The following SORBS2 variants were observed in gnomAD, a reference collection of about 807,000 sequenced individuals.
SORBS2 encodes sorbin and SH3 domain-containing protein 2.
In SORBS2, 46 loss-of-function variants were observed where a neutral mutation model predicts 97.7. The ratio of observed to expected loss-of-function variants is 0.47; its 90% CI spans 0.37 to 0.60. The LOEUF (loss-of-function observed/expected upper bound fraction) is 0.60, where lower values mean the gene tolerates loss of function less well. Among genes scored for constraint, SORBS2 ranks in the 20% least tolerant of loss-of-function variants. SORBS2 has a pLI of 0.00. For missense variants in SORBS2, 1,316 were observed against 1,282.3 expected (o/e 1.03, Z -0.40); for synonymous variants, 476 against 473.4 (o/e 1.01, Z -0.07).
intron 2 of SORBS2, among the ~76,000 whole-genome samples, chr4:185,731,866 C>CTCTCTCTATATATATA (rs1286500642): frequency 4.0e-5 from 1 of 24,692 alleles, no homozygotes; most frequent in Non-Finnish European, 6.7e-5. Flanking sequence ...CTCTCTCTCT[C>CTCTCTCTATATATATA]TATATATATA....
At chr4:185,937,552 G>A (rs28441507) in intron 1 of SORBS2, among the ~76,000 whole-genome samples, 44,239 of 152,020 alleles carry the variant, frequency 0.29, 6,579 homozygotes, top group South Asian at 0.32. Context: ...TAAATCCTTC[G>A]TCAAAAAGTA....
chr4:185,947,918 G>A (rs2099275343), intron 1 of SORBS2, among the ~76,000 whole-genome samples: 2 of 146,938 alleles, frequency 1.4e-5, no homozygotes, highest in East Asian at 1.9e-4. Context: ...GCCCTCTTGA[G>A]ATTTTTTAAA....
chr4:185,802,347 G>A (rs111985181), intron 1 of SORBS2, among the ~76,000 whole-genome samples: 24 of 151,906 alleles, frequency 1.6e-4, no homozygotes, highest in Non-Finnish European at 2.9e-4. Context: ...CTTTTCCTCC[G>A]GTCCTTGATG....
chr4:185,880,331 A>T (rs75597531), intron 1 of SORBS2, among the ~76,000 whole-genome samples: 5,911 of 152,302 alleles, frequency 0.039, 427 homozygotes, highest in African/African-American at 0.14. Context: ...GTCGGGGAGC[A>T]TGAGAGGGGT....
rs2096763545 is a variant in SORBS2, at chr4:185,623,896, G to A, written c.1233C>T (p.Pro411=). 6.2e-7 allele frequency: 1 copy of A among 1,614,150 alleles called. No homozygotes were observed. The highest frequency in any genetic ancestry group is 8.5e-7 in the Non-Finnish European group (1 of 1,180,016). ...GCTTTTCGAATTCGGAGATGCGTGT[G>A]GGCACCATGTCCCGGGGCACCTCCT... Residue 411 remains proline (P), a synonymous_variant, in exon 7 of 15, where the codon CCC becomes CCT. Transcript: ENST00000418609. This position sits in a 1 kb window ranked among gnomAD's most constrained non-coding sequence, Gnocchi z 6.4.
chr4:185,902,044 T>C (rs1441860327), intron 1 of SORBS2, among the ~76,000 whole-genome samples: 1 of 152,198 alleles, frequency 6.6e-6, no homozygotes, highest in Non-Finnish European at 1.5e-5. Flanking sequence ...GGCTATTAAG[T>C]AGATTATTGA....
intron 1 of SORBS2, among the ~76,000 whole-genome samples, chr4:185,854,358 C>G (rs1247584959): frequency 6.6e-6 from 1 of 152,074 alleles, no homozygotes; most frequent in Non-Finnish European, 1.5e-5. Flanking sequence ...TTCACCACAT[C>G]TTCTTCTTGA....
chr4:185,712,792 G>C (rs2098435173), intron 2 of SORBS2, among the ~76,000 whole-genome samples: 1 of 152,220 alleles, frequency 6.6e-6, no homozygotes, highest in Non-Finnish European at 1.5e-5. Flanking sequence ...GAGGAGTTGA[G>C]AGGGGCAGGC....
intron 1 of SORBS2, among the ~76,000 whole-genome samples, chr4:185,887,262 T>C (rs2099240146): frequency 6.6e-6 from 1 of 152,230 alleles, no homozygotes; most frequent in Non-Finnish European, 1.5e-5. Context: ...GAACCCTACA[T>C]GGGCCGGGTA....
intron 2 of SORBS2, among the ~76,000 whole-genome samples, chr4:185,702,253 A>G (rs1287518161): frequency 6.6e-6 from 1 of 152,078 alleles, no homozygotes; most frequent in Admixed American, 6.6e-5. Flanking sequence ...TGGGTTTTAG[A>G]GAGGCCTCAT....
At position 185,623,355 on chromosome 4, in the gene SORBS2, G is replaced by A; in HGVS notation, c.1774C>T (p.Gln592Ter). 1 of 1,613,750 alleles carries A rather than the reference G, an allele frequency of 6.2e-7. No homozygotes were observed. ...TTAGAAAGGCCAGGGTCCATTTCTT[G>A]CCTTCTGGGCTCCTCGGTGTTTTCG... The change falls in exon 7 of 15, where the codon CAA becomes TAA. Residue 592 changes from glutamine to a stop codon, truncating the protein, a stop_gained. Transcript: ENST00000418609. LOFTEE classifies it high-confidence loss of function. This position sits in a 1 kb window ranked among gnomAD's most constrained non-coding sequence, Gnocchi z 6.4.
rs986292382 is a variant in SORBS2, at chr4:185,867,357, G to T, written c.-338+88839C>A. Among the ~76,000 whole-genome samples, 55 of 152,234 alleles carry T rather than the reference G, an allele frequency of 3.6e-4. 1 individual carries two copies. The highest frequency in any genetic ancestry group is 1.3e-3 in the African/African-American group (53 of 41,550). ...AAATAGAACTTCCTATTAGCAAAGG[G>T]CTAAATAACTTTTAGCTACTTTAGG... On this transcript the variant is annotated intron_variant, in intron 1 of 20. Coordinates refer to the SORBS2 transcript ENST00000284776.
chr4:185,634,988 G>T (rs1326623823), intron 4 of SORBS2, among the ~76,000 whole-genome samples: 1 of 152,186 alleles, frequency 6.6e-6, no homozygotes, highest in Non-Finnish European at 1.5e-5. Flanking sequence ...CATTATAATA[G>T]AATGGTTCTA....
At chr4:185,671,930 C>T (rs1471505860) in intron 4 of SORBS2, among the ~76,000 whole-genome samples, 2 of 152,334 alleles carry the variant, frequency 1.3e-5, no homozygotes, top group Middle Eastern at 3.4e-3. Flanking sequence ...TTTGTAAACT[C>T]ATGTTGGACT....
At chr4:185,706,149 A>G (rs2098338614) in intron 2 of SORBS2, among the ~76,000 whole-genome samples, 1 of 152,246 alleles carries the variant, frequency 6.6e-6, no homozygotes, top group South Asian at 2.1e-4. Flanking sequence ...GATTTAATCA[A>G]TCAATTCTAA....
At chr4:185,630,305 A>G (rs2096885935) in intron 5 of SORBS2, among the ~76,000 whole-genome samples, 1 of 152,166 alleles carries the variant, frequency 6.6e-6, no homozygotes, top group Non-Finnish European at 1.5e-5. Context: ...ATAGGGGACT[A>G]AGGGAAGAGA....
intron 1 of SORBS2, among the ~76,000 whole-genome samples, chr4:185,951,189 G>A (rs146247612): frequency 4.4e-4 from 67 of 152,216 alleles, no homozygotes; most frequent in Middle Eastern, 3.4e-3. Flanking sequence ...GTACCATCAC[G>A]CTACCACTTC....
At chr4:185,926,181 A>C (rs529779941) in intron 1 of SORBS2, among the ~76,000 whole-genome samples, 1 of 152,362 alleles carries the variant, frequency 6.6e-6, no homozygotes, top group Non-Finnish European at 1.5e-5. Context: ...TTTTAAGCAC[A>C]GGAGTGGGCG....
chr4:185,850,015 T>C (rs2099216895), intron 1 of SORBS2, among the ~76,000 whole-genome samples: 1 of 152,218 alleles, frequency 6.6e-6, no homozygotes, highest in South Asian at 2.1e-4. Context: ...ATGACTGCTA[T>C]TGCATAAGCC....
Sources: gnomAD v4.1 joint callset for allele counts (sites outside exome capture counted in the v4.1 genomes callset) on GRCh38, gnomAD v4.1.1 for gene constraint, Gnocchi (gnomAD v3.1) non-coding constraint, MANE v1.5 for transcripts, NCBI Gene and HGNC (gene_info 2026-07-23, HGNC 2026-07-21) for gene names.